Variants in NCKAP5 observed in about 807,000 individuals in gnomAD.
NCKAP5 encodes nck-associated protein 5.
In NCKAP5, 92 loss-of-function variants were observed where a neutral mutation model predicts 167.0. The observed-to-expected ratio is 0.55, with a 90% CI of 0.47 to 0.66. NCKAP5 has a LOEUF of 0.66. NCKAP5 is among the 30% of genes least tolerant of loss of function. NCKAP5 has a pLI of 0.00. For synonymous variants in NCKAP5, 891 were observed against 877.4 expected (o/e 1.02, Z -0.27); for missense variants, 2,378 against 2,315.0 (o/e 1.03, Z -0.56).
At chr2:133,499,367 A>C (rs553688459) in intron 3 of NCKAP5, among the ~76,000 whole-genome samples, 1 of 152,354 alleles carries the variant, frequency 6.6e-6, no homozygotes, top group East Asian at 1.9e-4. Flanking sequence ...TTTCTGTCTC[A>C]GTCATCTGTG....
At chr2:133,522,983 T>A (rs1217561173) in intron 2 of NCKAP5, among the ~76,000 whole-genome samples, 4 of 152,166 alleles carry the variant, frequency 2.6e-5, no homozygotes, top group South Asian at 2.1e-4. Flanking sequence ...AAATTAAGCA[T>A]CCTTTTATTG....
At chr2:132,898,104 C>T (rs115180994) in intron 8 of NCKAP5, among the ~76,000 whole-genome samples, 1 of 152,214 alleles carries the variant, frequency 6.6e-6, no homozygotes, top group Non-Finnish European at 1.5e-5. Context: ...CTTCTCAAAC[C>T]CTGCCAATGC....
At chr2:133,593,469 T>C in the NCKAP5 span, among the ~76,000 whole-genome samples, 7 of 152,156 alleles carry the variant, frequency 4.6e-5, no homozygotes, top group Admixed American at 6.5e-5. Flanking sequence ...AAACAATAAA[T>C]GGTAAAAATC....
chr2:133,461,355 T>C (rs1692189140), intron 3 of NCKAP5, among the ~76,000 whole-genome samples: 1 of 152,226 alleles, frequency 6.6e-6, no homozygotes, highest in East Asian at 1.9e-4. Flanking sequence ...AACTTCTTAA[T>C]AGTTTACTGG....
Position 133,395,254 on chromosome 2 carries a change from G to C in NCKAP5, c.70-92144C>G, listed in dbSNP as rs112680172. On this transcript the variant is annotated intron_variant, in intron 3 of 19. Coordinates refer to ENST00000409261, the MANE Select transcript of NCKAP5 (RefSeq NM_207363.3). ...CTGAGAGAGATGGATTGGCAGGAAGGCTTATGTAATTAACTCAATGTCATC... is the reference window on the plus strand; with the variant it reads ...CTGAGAGAGATGGATTGGCAGGAAGCCTTATGTAATTAACTCAATGTCATC... Among the ~76,000 whole-genome samples the C allele has an allele frequency of 5.7e-4, 87 of 152,310 alleles. 2 individuals are homozygous for C. The highest frequency in any genetic ancestry group is 2.0e-3 in the African/African-American group (82 of 41,582).
chr2:133,284,478 T>G (rs1220268524), intron 4 of NCKAP5, among the ~76,000 whole-genome samples: 1 of 152,242 alleles, frequency 6.6e-6, no homozygotes, highest in Non-Finnish European at 1.5e-5. Context: ...AAAGAAGTCC[T>G]TGCTTTGCCA....
intron 11 of NCKAP5, among the ~76,000 whole-genome samples, chr2:132,808,427 T>C (rs1685602636): frequency 6.6e-6 from 1 of 152,120 alleles, no homozygotes; most frequent in African/African-American, 2.4e-5. Context: ...AATTACCAGT[T>C]CAATCTCACT....
chr2:132,940,200 T>C lies in NCKAP5; in HGVS notation c.579+23520A>G, dbSNP rs118045284. Among the ~76,000 whole-genome samples the C allele has an allele frequency of 1.1e-3, 165 of 152,284 alleles. 2 individuals are homozygous for C. The East Asian group carries it at 0.029, about 27-fold the overall frequency. On this transcript the variant is annotated intron_variant, in intron 8 of 19. Transcript: ENST00000409261. ...ATAATGGCCTCCAGTTCCATGCAAG[T>C]TGCAGCAAAAGACATTATTTTGTTC...
At chr2:132,970,005 G>C (rs2076785887) in intron 7 of NCKAP5, among the ~76,000 whole-genome samples, 1 of 152,192 alleles carries the variant, frequency 6.6e-6, no homozygotes, top group Admixed American at 6.5e-5. Flanking sequence ...GACGTATTTA[G>C]AGTAAGTGAA....
intron 8 of NCKAP5, among the ~76,000 whole-genome samples, chr2:132,956,521 A>T (rs1176422702): frequency 6.6e-6 from 1 of 152,144 alleles, no homozygotes; most frequent in Non-Finnish European, 1.5e-5. Context: ...TCTTGCATTC[A>T]TACTTCTCTC....
intron 5 of NCKAP5, among the ~76,000 whole-genome samples, chr2:133,180,922 A>G (rs959848479): frequency 2.0e-5 from 3 of 152,154 alleles, no homozygotes; most frequent in African/African-American, 7.2e-5. Context: ...TTTGCAAACT[A>G]TGTATCTAAT....
chr2:133,018,162 A>G (rs542483848), intron 6 of NCKAP5, among the ~76,000 whole-genome samples: 1 of 152,098 alleles, frequency 6.6e-6, no homozygotes. Context: ...TATTCTGTCT[A>G]TATCCCAACC....
chr2:132,869,954 T>C (rs1006509153), intron 9 of NCKAP5, among the ~76,000 whole-genome samples: 5 of 152,184 alleles, frequency 3.3e-5, no homozygotes, highest in Admixed American at 6.6e-5. Context: ...TCTTAGTAAT[T>C]TTTTCAGGGA....
chr2:133,258,058 T>C (rs898167768), intron 4 of NCKAP5, among the ~76,000 whole-genome samples: 5 of 152,184 alleles, frequency 3.3e-5, no homozygotes, highest in African/African-American at 1.2e-4. Flanking sequence ...ACACTTGACT[T>C]TTGGCTTGAA....
chr2:133,522,337 C>T (rs767730647), intron 2 of NCKAP5, among the ~76,000 whole-genome samples: 6 of 152,118 alleles, frequency 3.9e-5, no homozygotes, highest in Non-Finnish European at 7.3e-5. Flanking sequence ...GCATTAAATC[C>T]CTCTTTGCTT....
chr2:133,424,280 A>G (rs1034766226), intron 3 of NCKAP5, among the ~76,000 whole-genome samples: 2 of 152,206 alleles, frequency 1.3e-5, no homozygotes, highest in Admixed American at 1.3e-4. Context: ...CAATTTTCTC[A>G]GGCCTCAGAG....
intron 8 of NCKAP5, among the ~76,000 whole-genome samples, chr2:132,896,489 C>G (rs970249677): frequency 6.6e-6 from 1 of 152,042 alleles, no homozygotes; most frequent in African/African-American, 2.4e-5. Context: ...CAGTTAGGAC[C>G]CTGAGGTGAT....
chr2:132,814,828 G>T (rs1468834697), intron 11 of NCKAP5, among the ~76,000 whole-genome samples: 1 of 152,112 alleles, frequency 6.6e-6, no homozygotes, highest in Admixed American at 6.5e-5. Flanking sequence ...CACTAAAAAG[G>T]CATATCTTCC....
At chr2:133,401,974 G>A (rs576021877) in intron 3 of NCKAP5, among the ~76,000 whole-genome samples, 83 of 152,156 alleles carry the variant, frequency 5.5e-4, no homozygotes, top group African/African-American at 1.9e-3. Context: ...ATGATCTCTC[G>A]AGATTCAGCT....
Sources: gnomAD v4.1 joint callset for allele counts (sites outside exome capture counted in the v4.1 genomes callset) on GRCh38, gnomAD v4.1.1 for gene constraint, MANE v1.5 for transcripts, NCBI Gene and HGNC (gene_info 2026-07-23, HGNC 2026-07-21) for gene names.